Variants in B3GALT5 observed in about 807,000 individuals in gnomAD.
B3GALT5 encodes the protein UDP-Gal:betaGlcNAc beta 1,3-galactosyltransferase, polypeptide 5.
For synonymous variants in B3GALT5, 156 were observed against 158.6 expected (o/e 0.98, Z 0.12); for missense variants, 328 against 396.6 (o/e 0.83, Z 1.47).
chr21:39,660,175 A>C (rs1453512788), intron 3 of B3GALT5, among the ~76,000 whole-genome samples: 1 of 152,164 alleles, frequency 6.6e-6, no homozygotes, highest in Non-Finnish European at 1.5e-5. Context: ...TTAGATCTAC[A>C]ATGCGTGGTT....
chr21:39,657,057 G>T (rs997694578), intron 2 of B3GALT5, among the ~76,000 whole-genome samples: 2 of 151,978 alleles, frequency 1.3e-5, no homozygotes, highest in Non-Finnish European at 2.9e-5. Flanking sequence ...CAGAGGAGAA[G>T]GGAGGTCTAC....
chr21:39,627,934 C>T (rs2079172717), intron 1 of B3GALT5, among the ~76,000 whole-genome samples: 1 of 152,160 alleles, frequency 6.6e-6, no homozygotes, highest in Non-Finnish European at 1.5e-5. Context: ...TACTTCTGCA[C>T]ATCAGTGTAA....
intron 2 of B3GALT5, chr21:39,657,997 G>C: frequency 9.3e-7 from 1 of 1,075,958 alleles, no homozygotes; most frequent in South Asian, 4.7e-5. Flanking sequence ...GCCTGGGGTG[G>C]CTAGGATCTG....
At chr21:39,647,789 C>T (rs2079355644) in intron 2 of B3GALT5, among the ~76,000 whole-genome samples, 2 of 152,176 alleles carry the variant, frequency 1.3e-5, no homozygotes, top group African/African-American at 2.4e-5. Flanking sequence ...CAACAAGCTT[C>T]CAGAATAATC....
Position 39,639,392 on chromosome 21 carries a change from T to TTC in B3GALT5, c.-391-6998_-391-6997dup, listed in dbSNP as rs1569212323. 1.2e-3 allele frequency among the ~76,000 whole-genome samples: 106 copies of TTC among 86,950 alleles called. 1 individual carries two copies. The highest frequency in any genetic ancestry group is 3.0e-3 in the African/African-American group (72 of 24,050). 57.0% of individuals were successfully genotyped at this position (86,950 alleles called of 152,430 possible). On this transcript the variant is annotated intron_variant, in intron 1 of 3. Coordinates refer to ENST00000684187, the MANE Select transcript of B3GALT5 (RefSeq NM_001356336.2). The stretch of plus-strand genomic sequence containing the variant: ...CTTCCTTCCTTCCTTCCTTCCTTCC[T>TTC]TCTTTCTTTTTCTTTCTTTCTTTCT...
intron 1 of B3GALT5, among the ~76,000 whole-genome samples, chr21:39,644,583 C>T: frequency 6.6e-6 from 1 of 152,188 alleles, no homozygotes; most frequent in Non-Finnish European, 1.5e-5. Context: ...GCTTCAGCGG[C>T]TTACAGAACC....
At chr21:39,645,016 T>A (rs1341082546) in intron 1 of B3GALT5, among the ~76,000 whole-genome samples, 1 of 152,108 alleles carries the variant, frequency 6.6e-6, no homozygotes, top group Admixed American at 6.5e-5. Flanking sequence ...GCAGTCATAA[T>A]CAAGAGCATG....
rs987846116 is a variant in B3GALT5, at chr21:39,662,101, A to G, written c.*609A>G. ...GCTGGATGTAGCTGGGATTGAGTCC[A>G]TGTTATCGGCTCGGTACTCAACACA... On this transcript the variant is annotated 3_prime_UTR_variant, in exon 4 of 4. Transcript: ENST00000684187. 6.0e-5 allele frequency: 10 copies of G among 167,090 alleles called. No individual in the cohort carries two copies. The highest frequency in any genetic ancestry group is 2.4e-4 in the African/African-American group (10 of 41,450). The allele number at this position is 167,090 out of a possible 1,614,324, so 10.4% of individuals were successfully genotyped here. A position where few individuals can be genotyped will look rare whatever the true frequency, so the allele number is the denominator to read the frequency against.
intron 1 of B3GALT5, among the ~76,000 whole-genome samples, chr21:39,622,755 G>A (rs2079140574): frequency 6.6e-6 from 1 of 151,722 alleles, no homozygotes; most frequent in Admixed American, 6.6e-5. Context: ...CTCATTATGT[G>A]TTTTCTTTTT....
intron 1 of B3GALT5, among the ~76,000 whole-genome samples, chr21:39,627,496 G>T (rs1261795024): frequency 6.6e-6 from 1 of 152,142 alleles, no homozygotes; most frequent in East Asian, 1.9e-4. Context: ...TTAACAAGGT[G>T]CCACTGTTGG....
chr21:39,642,199 T>G (rs925458702), intron 1 of B3GALT5, among the ~76,000 whole-genome samples: 1 of 152,224 alleles, frequency 6.6e-6, no homozygotes, highest in Non-Finnish European at 1.5e-5. Flanking sequence ...TGCACTTGGA[T>G]TCATGGGCTC....
chr21:39,638,440 G>A (rs1349415022), intron 1 of B3GALT5, among the ~76,000 whole-genome samples: 3 of 152,160 alleles, frequency 2.0e-5, no homozygotes, highest in African/African-American at 4.8e-5. Flanking sequence ...GGCGGGCTAG[G>A]GCAGTCGGGG....
chr21:39,661,725 G>A lies in B3GALT5; in HGVS notation c.*233G>A, dbSNP rs920507845. On this transcript the variant is annotated 3_prime_UTR_variant, in exon 4 of 4. Coordinates refer to ENST00000684187, the MANE Select transcript of B3GALT5 (RefSeq NM_001356336.2). This position sits in a 1 kb window ranked among gnomAD's most constrained non-coding sequence, Gnocchi z 4.7. ...ATACTAAGTGTTTGACATACACCTG[G>A]ATTTTTGCATTTCAGGGGTCAGTAT... is the stretch of plus-strand genomic sequence containing the variant. 1 of 418,372 alleles carries A rather than the reference G, an allele frequency of 2.4e-6. No individual in the cohort carries two copies. Among genetic ancestry groups the A allele is most frequent in the Non-Finnish European group, 4.4e-6 (1 of 229,246 alleles). 25.9% of individuals were successfully genotyped at this position (418,372 alleles called of 1,614,324 possible).
At chr21:39,621,774 T>A (rs1250095923) in intron 1 of B3GALT5, among the ~76,000 whole-genome samples, 1 of 152,134 alleles carries the variant, frequency 6.6e-6, no homozygotes, top group African/African-American at 2.4e-5. Context: ...ACTTTAAATA[T>A]GATTTATTTC....
At chr21:39,614,361 A>T (rs1300912653) in intron 1 of B3GALT5, among the ~76,000 whole-genome samples, 1 of 152,188 alleles carries the variant, frequency 6.6e-6, no homozygotes, top group Non-Finnish European at 1.5e-5. Context: ...TAATAATAAA[A>T]ATCTGACGTG....
rs1019660481 is a variant in B3GALT5 at position 39,661,744 on chromosome 21, T to C, written c.*252T>C. ...CACCTGGATTTTTGCATTTCAGGGG[T>C]CAGTATCCTATGACATGATGGGTGT... On this transcript the variant is annotated 3_prime_UTR_variant, in exon 4 of 4. Transcript: ENST00000684187. The surrounding 1 kb of genome is among the most constrained non-coding windows in gnomAD (Gnocchi z 4.7). 13 of 383,410 alleles carry C rather than the reference T, an allele frequency of 3.4e-5. No homozygotes were observed. Among genetic ancestry groups the C allele is most frequent in the African/African-American group, 2.5e-4 (12 of 48,358 alleles). 23.8% of individuals were successfully genotyped at this position (383,410 alleles called of 1,614,324 possible).
chr21:39,651,032 C>A (rs1012657233), intron 2 of B3GALT5, among the ~76,000 whole-genome samples: 1 of 151,968 alleles, frequency 6.6e-6, no homozygotes, highest in South Asian at 2.1e-4. Flanking sequence ...GATGTCTTCC[C>A]CTGAATCGGT....
chr21:39,650,451 C>A (rs2079384063), intron 2 of B3GALT5, among the ~76,000 whole-genome samples: 1 of 152,192 alleles, frequency 6.6e-6, no homozygotes, highest in Non-Finnish European at 1.5e-5. Context: ...GCAGCAGCAG[C>A]ATCTGTGAGC....
In B3GALT5 at chr21:39,646,375, A is replaced by C. The variant is rs952375333; in HGVS notation, c.-391-17A>C. On this transcript the variant is annotated splice_polypyrimidine_tract_variant and intron_variant, in intron 1 of 3. Transcript: ENST00000684187. ...TAAGCAAAATTACCTAACGCTCTTA[A>C]ATTTTTCATACAACAGTTTCATCTG... 6.6e-6 allele frequency: 1 copy of C among 152,242 alleles called. No individual in the cohort carries two copies. Among genetic ancestry groups the C allele is most frequent in the Non-Finnish European group, 1.5e-5 (1 of 68,046 alleles). The allele number at this position is 152,242 out of a possible 1,614,324, so 9.4% of individuals were successfully genotyped here.
Sources: allele counts gnomAD v4.1 joint callset (sites outside exome capture counted in the v4.1 genomes callset), GRCh38; gene constraint gnomAD v4.1.1; non-coding constraint Gnocchi (gnomAD v3.1); transcripts MANE v1.5; gene names NCBI Gene and HGNC (gene_info 2026-07-23, HGNC 2026-07-21).